The following TPO variants were observed in gnomAD, a reference collection of about 807,000 sequenced individuals.
The protein encoded by TPO is thyroid microsomal antigen.
In TPO, 78 loss-of-function variants were observed where a neutral mutation model predicts 96.9. The observed-to-expected ratio is 0.81, with a 90% CI of 0.67 to 0.97. The LOEUF (loss-of-function observed/expected upper bound fraction) is 0.97. TPO is among the 50% of genes least tolerant of loss of function. TPO has a pLI of 0.00. For synonymous variants in TPO, 547 were observed against 538.0 expected (o/e 1.02, Z -0.23); for missense variants, 1,252 against 1,274.8 (o/e 0.98, Z 0.27).
chr2:1,455,956 T>G, intron 6 of TPO, 120 bp from the exon 7 acceptor site: 2 of 999,230 alleles, frequency 2.0e-6, no homozygotes, highest in Admixed American at 2.0e-5. Flanking sequence ...ACAGATCTCC[T>G]AGGGGCACCT....
chr2:1,401,458 G>C (rs567842955), intron 1 of TPO, among the ~76,000 whole-genome samples: 1 of 152,220 alleles, frequency 6.6e-6, no homozygotes, highest in African/African-American at 2.4e-5. Flanking sequence ...ATGGGCTTTG[G>C]TTTGCTCACT....
chr2:1,524,765 C>G (rs1214969814), intron 15 of TPO, among the ~76,000 whole-genome samples: 5 of 135,306 alleles, frequency 3.7e-5, no homozygotes, highest in African/African-American at 8.3e-5. Flanking sequence ...TGAGCAACCT[C>G]CCCAAATCGC....
intron 15 of TPO, among the ~76,000 whole-genome samples, chr2:1,535,349 TCAA>T: frequency 7.8e-5 from 1 of 12,902 alleles, no homozygotes; most frequent in African/African-American, 3.2e-4. Flanking sequence ...TGCAACCTAC[TCAA>T]ATCCCCCCAC....
intron 15 of TPO, among the ~76,000 whole-genome samples, chr2:1,525,920 C>CTCCTCAAATCCCCCG (rs1676357900): frequency 3.1e-5 from 2 of 65,236 alleles, no homozygotes; most frequent in South Asian, 7.3e-4. Context: ...CAAATCCCCC[C>CTCCTCAAATCCCCCG]ACTGTGCGCA....
chr2:1,374,799 C>T (rs1345047019), intron 1 of TPO, among the ~76,000 whole-genome samples: 1 of 151,276 alleles, frequency 6.6e-6, no homozygotes, highest in Non-Finnish European at 1.5e-5. Flanking sequence ...TCGATCTCGG[C>T]CCACTGTACC....
intron 14 of TPO, among the ~76,000 whole-genome samples, chr2:1,505,479 C>T (rs1183963829): frequency 1.2e-5 from 1 of 85,840 alleles, no homozygotes; most frequent in Admixed American, 1.2e-4. Flanking sequence ...CAGGCGCATC[C>T]CCCCCACCCC....
chr2:1,521,998 C>T (rs903247330), intron 15 of TPO, among the ~76,000 whole-genome samples: 1 of 152,078 alleles, frequency 6.6e-6, no homozygotes, highest in Non-Finnish European at 1.5e-5. Context: ...CTCTGTGGCC[C>T]CACTTTCTTC....
chr2:1,436,200 A>AG (rs1214468522), intron 4 of TPO, 52 bp from the exon 5 acceptor site: 111 of 1,613,612 alleles, frequency 6.9e-5, no homozygotes, highest in Non-Finnish European at 9.2e-5. Flanking sequence ...AATATTTGTT[A>AG]GGTGGATTTG....
At chr2:1,517,942 C>T (rs928497468) in intron 15 of TPO, among the ~76,000 whole-genome samples, 1 of 110,266 alleles carries the variant, frequency 9.1e-6, no homozygotes, top group Non-Finnish European at 2.1e-5. Context: ...TGCCAGGCTC[C>T]CCCCCCCAAT....
At position 1,433,612 on chromosome 2, in the gene TPO, T is replaced by A. The variant is rs1176700037; in HGVS notation, c.349+5T>A. 11 of 1,613,148 alleles carry A rather than the reference T, an allele frequency of 6.8e-6. No individual in the cohort carries two copies. The highest frequency in any genetic ancestry group is 8.5e-6 in the Non-Finnish European group (10 of 1,179,504). On this transcript the variant is annotated splice_donor_5th_base_variant and intron_variant, in intron 4 of 16. Transcript: ENST00000329066. ...AACAATCACAGCATCCAACGGGTAA[T>A]GTGTGCCCCTCTCCCCACTGAGGAG...
Position 1,477,380 on chromosome 2 carries a change from C to T in TPO, c.1114C>T (p.Pro372Ser), listed in dbSNP as rs745729747. The T allele has an allele frequency of 9.5e-5, 145 of 1,529,612 alleles. No homozygotes were observed. The highest frequency in any genetic ancestry group is 1.2e-4 in the Non-Finnish European group (142 of 1,137,476). The allele number at this position is 1,529,612 out of a possible 1,614,324, so 94.8% of individuals were successfully genotyped here. Residue 372 changes from proline to serine, a missense_variant, in exon 8 of 17, where the codon CCT becomes TCT. Pro to Ser is a moderately conservative substitution (Grantham distance 74, BLOSUM62 -1). Coordinates refer to ENST00000329066, the MANE Select transcript of TPO (RefSeq NM_001206744.2). Reference sequence around the variant, plus strand: ...CCTGCCCTTCGTGCCGCCACGCGCGCCTGCGGCCTGTGCGCCCGAGCCCGG... The same window carrying T: ...CCTGCCCTTCGTGCCGCCACGCGCGTCTGCGGCCTGTGCGCCCGAGCCCGG... ...AYLPFVPPRA[P>S]AACAPEPGIP...
intron 7 of TPO, among the ~76,000 whole-genome samples, chr2:1,469,950 C>T (rs1669240897): frequency 6.6e-6 from 1 of 152,168 alleles, no homozygotes; most frequent in Non-Finnish European, 1.5e-5. Context: ...CTCTGTTTGT[C>T]CAAGTGAGAG....
At chr2:1,440,545 G>C (rs961089607) in intron 5 of TPO, among the ~76,000 whole-genome samples, 1 of 151,710 alleles carries the variant, frequency 6.6e-6, no homozygotes, top group African/African-American at 2.4e-5. Flanking sequence ...GAAAGAGAAG[G>C]GGGCAGGCTG....
At chr2:1,469,996 C>T (rs751393790) in intron 7 of TPO, among the ~76,000 whole-genome samples, 10 of 152,166 alleles carry the variant, frequency 6.6e-5, no homozygotes, top group African/African-American at 1.9e-4. Flanking sequence ...CGCCATGATC[C>T]GTCACAAAAA....
At chr2:1,430,925 C>A (rs966356163) in intron 3 of TPO, among the ~76,000 whole-genome samples, 1 of 152,152 alleles carries the variant, frequency 6.6e-6, no homozygotes, top group Non-Finnish European at 1.5e-5. Context: ...GGTAGAAGGA[C>A]CTCATCTCCA....
At chr2:1,413,673 GCTGA>G (rs1345092370) in intron 1 of TPO, 128 bp downstream of exon 1, 1 of 985,474 alleles carries the variant, frequency 1.0e-6, no homozygotes, top group Non-Finnish European at 1.2e-6. Context: ...TCTCAGCAAA[GCTGA>G]CTGACTGACT....
chr2:1,389,948 G>A (rs950071658), intron 1 of TPO, among the ~76,000 whole-genome samples: 1 of 151,764 alleles, frequency 6.6e-6, no homozygotes, highest in Non-Finnish European at 1.5e-5. Flanking sequence ...TTTCTTCCCA[G>A]GGACCACGCC....
Position 1,453,242 on chromosome 2 carries a change from G to A in TPO, c.483-452G>A, listed in dbSNP as rs28909405. ...CACAAGTTCGCCTGGACAATCACAC[G>A]GGCAGGAACAGGCGCGACACCCTGG... On this transcript the variant is annotated intron_variant, in intron 5 of 16. Transcript: ENST00000329066. Among the ~76,000 whole-genome samples, 3 of 152,304 alleles carry A rather than the reference G, an allele frequency of 2.0e-5. No individual in the cohort carries two copies. The East Asian group carries it at 5.8e-4, about 29-fold the overall frequency.
intron 7 of TPO, among the ~76,000 whole-genome samples, chr2:1,475,705 G>C (rs1333829378): frequency 1.3e-5 from 2 of 152,184 alleles, no homozygotes; most frequent in Non-Finnish European, 2.9e-5. Flanking sequence ...GCCCACCTCA[G>C]CCTCCCAAAG....
Sources: gnomAD v4.1 joint callset for allele counts (sites outside exome capture counted in the v4.1 genomes callset) on GRCh38, gnomAD v4.1.1 for gene constraint, MANE v1.5 for transcripts, NCBI Gene and HGNC (gene_info 2026-07-23, HGNC 2026-07-21) for gene names.